Variants in RNF121 observed in about 807,000 individuals in gnomAD.
The protein encoded by RNF121 is E3 ubiquitin ligase RNF121.
Under a neutral mutation model 46.5 loss-of-function variants are expected in RNF121, and 21 were observed. That is an observed-to-expected ratio of 0.45 (90% confidence interval 0.32 to 0.65). The LOEUF is 0.65. Among genes scored for constraint, RNF121 ranks in the 30% least tolerant of loss-of-function variants. RNF121 has a pLI of 0.04. For missense variants in RNF121, 346 were observed against 416.0 expected (o/e 0.83, Z 1.46); for synonymous variants, 139 against 144.7 (o/e 0.96, Z 0.28).
intron 1 of RNF121, among the ~76,000 whole-genome samples, chr11:71,955,223 G>C (rs1953965294): frequency 6.6e-6 from 1 of 152,104 alleles, no homozygotes; most frequent in Non-Finnish European, 1.5e-5. Context: ...GCCCTATCCT[G>C]GTGCTAGAGA....
chr11:71,942,414 T>G (rs1218965234), intron 1 of RNF121, among the ~76,000 whole-genome samples: 1 of 151,958 alleles, frequency 6.6e-6, no homozygotes, highest in African/African-American at 2.4e-5. Context: ...GTGGGGGGTG[T>G]TTTAGTCCTT....
intron 1 of RNF121, among the ~76,000 whole-genome samples, chr11:71,955,474 T>A (rs1953970345): frequency 6.6e-6 from 1 of 152,104 alleles, no homozygotes; most frequent in South Asian, 2.1e-4. Flanking sequence ...GAAATATCCA[T>A]GCTGGAGAAA....
intron 1 of RNF121, among the ~76,000 whole-genome samples, chr11:71,946,644 G>A (rs944388718): frequency 1.3e-5 from 2 of 150,316 alleles, no homozygotes; most frequent in Non-Finnish European, 3.0e-5. Flanking sequence ...AAATGAGCAT[G>A]AGGTTTTTTT....
At position 71,957,383 on chromosome 11, in the gene RNF121, A is replaced by C. The variant is rs936013616; in HGVS notation, c.101+119A>C. The C allele has an allele frequency of 7.9e-6, 6 of 755,370 alleles. No individual in the cohort carries two copies. The Admixed American group carries it at 1.1e-4, about 14-fold the overall frequency. 46.8% of individuals were successfully genotyped at this position (755,370 alleles called of 1,614,324 possible). A position where few individuals can be genotyped will look rare whatever the true frequency, so the allele number is the denominator to read the frequency against. ...TAGGAGGCAGTGGCTCATGACCGGT[A>C]GGACTGGTCTTTTGGGATCTCTCTA... On this transcript the variant is annotated intron_variant, in intron 2 of 8. Coordinates refer to ENST00000361756, the MANE Select transcript of RNF121 (RefSeq NM_018320.5).
intron 1 of RNF121, among the ~76,000 whole-genome samples, chr11:71,953,002 C>T (rs138684224): frequency 2.0e-5 from 3 of 152,226 alleles, no homozygotes; most frequent in African/African-American, 7.2e-5. Context: ...AAAACATATT[C>T]CTCTTGTCTG....
Position 71,953,060 on chromosome 11 carries a change from G to T in RNF121, c.64-4167G>T, listed in dbSNP as rs986157844. Among the ~76,000 whole-genome samples the T allele has an allele frequency of 2.0e-5, 3 of 152,164 alleles. No individual in the cohort carries two copies. The East Asian group carries it at 5.8e-4, about 29-fold the overall frequency. ...TTTTATTTATTTTTTTAGAGACAGG[G>T]TCTTGCACTGTCACCCAGACTGGAG... On this transcript the variant is annotated intron_variant, in intron 1 of 8. Coordinates refer to ENST00000361756, the MANE Select transcript of RNF121 (RefSeq NM_018320.5).
At chr11:71,973,711 C>T (rs534339764) in intron 3 of RNF121, among the ~76,000 whole-genome samples, 21 of 151,548 alleles carry the variant, frequency 1.4e-4, no homozygotes, top group South Asian at 2.1e-4. Context: ...TGCCTGAACC[C>T]GGGCAGTGGA....
chr11:71,987,380 A>T (rs1954791396), intron 5 of RNF121, among the ~76,000 whole-genome samples: 1 of 152,228 alleles, frequency 6.6e-6, no homozygotes, highest in East Asian at 1.9e-4. Context: ...AACCAAAGTA[A>T]GCATAATAAT....
At position 71,995,512 on chromosome 11, in the gene RNF121, G is replaced by A; in HGVS notation, c.824G>A (p.Cys275Tyr). 1 of 1,595,882 alleles carries A rather than the reference G, an allele frequency of 6.3e-7. No homozygotes were observed. Among genetic ancestry groups the A allele is most frequent in the Non-Finnish European group, 8.5e-7 (1 of 1,169,672 alleles). ...GGAAAGAAGCAAACGTGTCCCTACT[G>A]CAAAGAGAAGGTAGACCTCAAGAGG... ...IVGKKQTCPY[C>Y]KEKVDLKRMF... Residue 275 changes from cysteine to tyrosine, a missense_variant, in exon 8 of 9, where the codon TGC becomes TAC. By Grantham distance (194) the Cys-to-Tyr change is radical (BLOSUM62 -2). This residue lies in a region of RNF121 where 286 missense variants were observed against 383.8 expected (regional missense o/e 0.75). Coordinates refer to ENST00000361756, the MANE Select transcript of RNF121 (RefSeq NM_018320.5).
intron 5 of RNF121, among the ~76,000 whole-genome samples, chr11:71,987,454 C>T (rs2134212917): frequency 6.6e-6 from 1 of 152,278 alleles, no homozygotes; most frequent in Admixed American, 6.5e-5. Context: ...TCAGTGTGTA[C>T]TGTTCATTTG....
chr11:71,985,989 T>G (rs1301005146), intron 4 of RNF121, among the ~76,000 whole-genome samples: 8 of 151,824 alleles, frequency 5.3e-5, no homozygotes, highest in Admixed American at 4.6e-4. Context: ...TCTTGCTGAG[T>G]CTAGTAGCTG....
intron 1 of RNF121, among the ~76,000 whole-genome samples, chr11:71,942,793 T>TAG (rs1953613104): frequency 5.7e-5 from 3 of 52,404 alleles, no homozygotes; most frequent in South Asian, 9.3e-4. Context: ...TATATATAGA[T>TAG]ATATATATGT....
chr11:71,996,132 A>G, intron 8 of RNF121, 63 bp from the exon 9 acceptor site: 1 of 1,597,970 alleles, frequency 6.3e-7, no homozygotes, highest in Non-Finnish European at 8.5e-7. Flanking sequence ...GAGCCCCACC[A>G]CCCATGCTAG....
At chr11:71,958,579 G>T (rs1451548296) in intron 2 of RNF121, among the ~76,000 whole-genome samples, 1 of 151,990 alleles carries the variant, frequency 6.6e-6, no homozygotes, top group Non-Finnish European at 1.5e-5. Flanking sequence ...ATTAGTACCT[G>T]CCCAGGTGTG....
chr11:71,929,962 T>C (rs1436921472), intron 1 of RNF121, among the ~76,000 whole-genome samples: 1 of 152,234 alleles, frequency 6.6e-6, no homozygotes. Flanking sequence ...TTCTTCTGGA[T>C]TTATGAGTTC....
At chr11:71,956,304 T>C (rs552081831) in intron 1 of RNF121, among the ~76,000 whole-genome samples, 19 of 152,334 alleles carry the variant, frequency 1.2e-4, no homozygotes, top group South Asian at 2.1e-4. Flanking sequence ...GAGTGACTTA[T>C]GTACTGAGAC....
chr11:71,990,887 C>G (rs1054309768), intron 6 of RNF121, 170 bp downstream of exon 6: 5 of 794,054 alleles, frequency 6.3e-6, no homozygotes, highest in Non-Finnish European at 9.8e-6. Context: ...GAAAGCAACA[C>G]AGCCATAAAA....
At chr11:71,952,289 A>G (rs1953899035) in intron 1 of RNF121, among the ~76,000 whole-genome samples, 1 of 152,228 alleles carries the variant, frequency 6.6e-6, no homozygotes, top group African/African-American at 2.4e-5. Flanking sequence ...TAGAGACAGA[A>G]TGTAAATTAG....
intron 5 of RNF121, among the ~76,000 whole-genome samples, chr11:71,989,270 G>A (rs994598702): frequency 1.7e-4 from 26 of 152,232 alleles, no homozygotes; most frequent in Non-Finnish European, 3.4e-4. Flanking sequence ...TAGTAAGGAT[G>A]GGGTTTCACC....
Sources: allele counts gnomAD v4.1 joint callset (sites outside exome capture counted in the v4.1 genomes callset), GRCh38; gene constraint gnomAD v4.1.1; regional missense constraint gnomAD v4.1.1; transcripts MANE v1.5; gene names NCBI Gene and HGNC (gene_info 2026-07-23, HGNC 2026-07-21).